RPAP2: variants seen among roughly 807,000 people sequenced by gnomAD.
The protein encoded by RPAP2 is putative RNA polymerase II subunit B1 CTD phosphatase RPAP2.
In RPAP2, 52 loss-of-function variants were observed where a neutral mutation model predicts 73.1. The observed-to-expected ratio is 0.71, with a 90% CI of 0.57 to 0.90. RPAP2 has a LOEUF of 0.90. Among genes scored for constraint, RPAP2 ranks in the 40% least tolerant of loss-of-function variants. The probability of loss-of-function intolerance (pLI) is 0.00; values close to 1 mark genes in which losing one functional copy is unlikely to be tolerated. For missense variants in RPAP2, 598 were observed against 701.8 expected (o/e 0.85, Z 1.67); for synonymous variants, 225 against 242.1 (o/e 0.93, Z 0.65).
chr1:92,312,271 G>C (rs1035320125), intron 6 of RPAP2, among the ~76,000 whole-genome samples: 2 of 152,052 alleles, frequency 1.3e-5, no homozygotes, highest in Non-Finnish European at 2.9e-5. Flanking sequence ...TAAAAAATTA[G>C]CTGGGTGTGG....
rs962846660 is a variant in RPAP2 at position 92,394,027 on chromosome 1, G to T, written c.*7016G>T. 6.6e-6 allele frequency: 1 copy of T among 152,148 alleles called. No individual in the cohort carries two copies. The highest frequency in any genetic ancestry group is 2.4e-5 in the African/African-American group (1 of 41,440). 9.4% of individuals were successfully genotyped at this position (152,148 alleles called of 1,614,324 possible). A position where few individuals can be genotyped will look rare whatever the true frequency, so the allele number is the denominator to read the frequency against. Reference sequence around the variant, plus strand: ...TTCTACAATAAAGACACATGCACACGTATGTTTATTGCTGCACTATTCACA... The same window carrying T: ...TTCTACAATAAAGACACATGCACACTTATGTTTATTGCTGCACTATTCACA... On this transcript the variant is annotated 3_prime_UTR_variant, in exon 13 of 13. Coordinates refer to ENST00000610020, the MANE Select transcript of RPAP2 (RefSeq NM_024813.3).
intron 6 of RPAP2, among the ~76,000 whole-genome samples, chr1:92,313,716 G>A (rs1211547350): frequency 2.0e-5 from 3 of 152,124 alleles, no homozygotes; most frequent in Non-Finnish European, 2.9e-5. Context: ...CTCCTCTATA[G>A]CTATGAAATC....
intron 11 of RPAP2, among the ~76,000 whole-genome samples, chr1:92,351,010 T>C (rs1654174425): frequency 6.6e-6 from 1 of 151,958 alleles, no homozygotes; most frequent in Non-Finnish European, 1.5e-5. Flanking sequence ...ATTTATATAT[T>C]TTGAAGTTAG....
intron 11 of RPAP2, among the ~76,000 whole-genome samples, chr1:92,361,104 CACACACACACACATATATATATATAT>C (rs1244116216): frequency 2.0e-5 from 1 of 50,904 alleles, no homozygotes; most frequent in Non-Finnish European, 3.8e-5. Context: ...TATATATATA[CACACACACACACATATATATATATAT>C]ACACACACAT....
At chr1:92,314,820 G>A (rs917701494) in intron 6 of RPAP2, among the ~76,000 whole-genome samples, 3 of 151,882 alleles carry the variant, frequency 2.0e-5, no homozygotes, top group Non-Finnish European at 4.4e-5. Context: ...CAAGGCAGGT[G>A]GATCACCTGA....
At chr1:92,334,396 A>T (rs1345557932) in intron 9 of RPAP2, among the ~76,000 whole-genome samples, 2 of 152,188 alleles carry the variant, frequency 1.3e-5, no homozygotes, top group Admixed American at 1.3e-4. Context: ...AATATGTTGT[A>T]TATTAGATGA....
chr1:92,367,552 A>G (rs1198709746), intron 11 of RPAP2, among the ~76,000 whole-genome samples: 1 of 152,202 alleles, frequency 6.6e-6, no homozygotes, highest in East Asian at 1.9e-4. Context: ...TTTTCTTTTC[A>G]GCCCAATGTT....
chr1:92,318,314 T>C (rs1364405176), intron 6 of RPAP2, among the ~76,000 whole-genome samples: 5 of 152,210 alleles, frequency 3.3e-5, no homozygotes, highest in Non-Finnish European at 7.3e-5. Context: ...TGGGGAAATA[T>C]TATGTTACTC....
chr1:92,341,217 C>A (rs1026682129), intron 10 of RPAP2, among the ~76,000 whole-genome samples: 4 of 152,076 alleles, frequency 2.6e-5, no homozygotes, highest in African/African-American at 9.7e-5. Context: ...CCATGTTGCC[C>A]AGGCTGGTCT....
At chr1:92,324,458 T>C in intron 8 of RPAP2, 83 bp downstream of exon 8, 2 of 1,044,870 alleles carry the variant, frequency 1.9e-6, no homozygotes, top group East Asian at 2.5e-5. Flanking sequence ...AGGAAGGATA[T>C]TGAAGAGTTA....
intron 10 of RPAP2, among the ~76,000 whole-genome samples, chr1:92,342,716 T>C (rs1481564183): frequency 6.6e-6 from 1 of 152,100 alleles, no homozygotes. Flanking sequence ...AGATCCTATT[T>C]TGAAGGTGGA....
At chr1:92,368,490 C>CTCTT (rs1396397628) in intron 11 of RPAP2, among the ~76,000 whole-genome samples, 1 of 152,188 alleles carries the variant, frequency 6.6e-6, no homozygotes, top group Non-Finnish European at 1.5e-5. Flanking sequence ...ACAACTTTAA[C>CTCTT]TCTTTATATA....
intron 11 of RPAP2, among the ~76,000 whole-genome samples, chr1:92,362,541 T>C (rs930386819): frequency 6.6e-6 from 1 of 152,204 alleles, no homozygotes; most frequent in Non-Finnish European, 1.5e-5. Context: ...AGCTCAAGTA[T>C]AATCTGCCTT....
At chr1:92,322,015 G>A (rs374423453) in intron 7 of RPAP2, among the ~76,000 whole-genome samples, 4 of 144,510 alleles carry the variant, frequency 2.8e-5, no homozygotes, top group African/African-American at 7.7e-5. Flanking sequence ...GCGCGATCTC[G>A]GCTCACTGCA....
chr1:92,332,717 T>C (rs1362163623), intron 8 of RPAP2, among the ~76,000 whole-genome samples: 1 of 152,142 alleles, frequency 6.6e-6, no homozygotes, highest in African/African-American at 2.4e-5. Context: ...CAAGTCCTGG[T>C]CTCATACTTG....
chr1:92,384,103 G>A (rs1474693292), intron 12 of RPAP2, among the ~76,000 whole-genome samples: 3 of 151,298 alleles, frequency 2.0e-5, no homozygotes, highest in Non-Finnish European at 2.9e-5. Flanking sequence ...GACTACAGGC[G>A]TGCACCACCA....
chr1:92,375,025 T>C (rs1655329589), intron 11 of RPAP2, among the ~76,000 whole-genome samples: 1 of 152,182 alleles, frequency 6.6e-6, no homozygotes, highest in African/African-American at 2.4e-5. Flanking sequence ...ATCTGTGCTA[T>C]TAAGTAATAA....
rs1653096330 is a variant in RPAP2, at chr1:92,333,490, C to T, written c.1538+17C>T. On this transcript the variant is annotated intron_variant, in intron 9 of 12. Coordinates refer to ENST00000610020, the MANE Select transcript of RPAP2 (RefSeq NM_024813.3). ...GAGTAAAGTGTAAGTATGTAATTGC[C>T]ATTCCAGCTTTGTAGTAGTTTTAAA... 1 of 1,557,382 alleles carries T rather than the reference C, an allele frequency of 6.4e-7. No individual in the cohort carries two copies. The highest frequency in any genetic ancestry group is 1.4e-5 in the African/African-American group (1 of 73,780).
Position 92,398,092 on chromosome 1 carries a change from G to A in RPAP2, c.*11081G>A, listed in dbSNP as rs1041024052. The A allele has an allele frequency of 6.6e-6, 1 of 152,266 alleles. No homozygotes were observed. Among genetic ancestry groups the A allele is most frequent in the Non-Finnish European group, 1.5e-5 (1 of 68,066 alleles). 9.4% of individuals were successfully genotyped at this position (152,266 alleles called of 1,614,324 possible). A position where few individuals can be genotyped will look rare whatever the true frequency, so the allele number is the denominator to read the frequency against. ...CTGAGACCAGGCGGTCAAGGCTTCA[G>A]TGAGCCATGATTGTGGCACTGCACT... On this transcript the variant is annotated 3_prime_UTR_variant, in exon 13 of 13. Transcript: ENST00000610020.
Sources: allele counts gnomAD v4.1 joint callset (sites outside exome capture counted in the v4.1 genomes callset), GRCh38; gene constraint gnomAD v4.1.1; transcripts MANE v1.5; gene names NCBI Gene and HGNC (gene_info 2026-07-23, HGNC 2026-07-21).